The following CSMD1 variants were observed in gnomAD, a reference collection of about 807,000 sequenced individuals.
CSMD1 encodes the protein CUB and sushi domain-containing protein 1.
A neutral mutation model predicts 417.5 loss-of-function variants in CSMD1; 213 were observed. That is an observed-to-expected ratio of 0.51 (90% confidence interval 0.46 to 0.57). The LOEUF (loss-of-function observed/expected upper bound fraction) is 0.57, where lower values mean the gene tolerates loss of function less well. CSMD1 is among the 20% of genes least tolerant of loss of function. The pLI is 0.00. For synonymous variants in CSMD1, 2,862 were observed against 1,736.8 expected, an observed-to-expected ratio of 1.65 and a Z score of -16.11; for missense variants, 6,923 against 4,529.7, an observed-to-expected ratio of 1.53 and a Z score of -15.17.
At chr8:4,526,636 A>C (rs1457314628) in intron 2 of CSMD1, among the ~76,000 whole-genome samples, 1 of 152,256 alleles carries the variant, frequency 6.6e-6, no homozygotes, top group Non-Finnish European at 1.5e-5. Context: ...TTGGGAATTA[A>C]CAAAAATTGT....
At chr8:3,642,086 A>G (rs1447731092) in intron 7 of CSMD1, among the ~76,000 whole-genome samples, 2 of 152,178 alleles carry the variant, frequency 1.3e-5, no homozygotes, top group African/African-American at 4.8e-5. Context: ...GGCAAAGGAT[A>G]CAGCAGATAC....
At chr8:4,244,090 A>C (rs1802555461) in intron 3 of CSMD1, among the ~76,000 whole-genome samples, 1 of 152,224 alleles carries the variant, frequency 6.6e-6, no homozygotes, top group Non-Finnish European at 1.5e-5. Context: ...AGCTCTGTGC[A>C]TCTGAAGATG....
chr8:3,499,135 G>A (rs1796487904), intron 10 of CSMD1, among the ~76,000 whole-genome samples: 1 of 152,170 alleles, frequency 6.6e-6, no homozygotes. Flanking sequence ...TTAGAATGTA[G>A]TTTTAGTAGG....
chr8:3,842,503 A>T (rs1292896463), intron 5 of CSMD1, among the ~76,000 whole-genome samples: 1 of 152,168 alleles, frequency 6.6e-6, no homozygotes, highest in Non-Finnish European at 1.5e-5. Context: ...CTAAATTTCT[A>T]GGGAAGAAGT....
intron 1 of CSMD1, among the ~76,000 whole-genome samples, chr8:4,908,399 CATT>C (rs1805439741): frequency 6.6e-6 from 1 of 152,150 alleles, no homozygotes; most frequent in Non-Finnish European, 1.5e-5. Context: ...TAGTGTCTAT[CATT>C]AATTTTGGAA....
chr8:3,286,671 G>GGTGT (rs1803185162), intron 25 of CSMD1, among the ~76,000 whole-genome samples: 1 of 143,924 alleles, frequency 6.9e-6, no homozygotes, highest in Admixed American at 7.0e-5. Flanking sequence ...TATTGAAGGG[G>GGTGT]TTGTTTTTTT....
intron 5 of CSMD1, among the ~76,000 whole-genome samples, chr8:3,788,374 C>T (rs141520939): frequency 1.3e-5 from 2 of 152,190 alleles, no homozygotes; most frequent in Admixed American, 1.3e-4. Context: ...CCTGTGCCCA[C>T]AGCAGCCTTC....
chr8:4,066,324 T>C (rs1418939413), intron 3 of CSMD1, among the ~76,000 whole-genome samples: 2 of 152,212 alleles, frequency 1.3e-5, no homozygotes, highest in African/African-American at 2.4e-5. Context: ...AAAGGTGTTC[T>C]GCTGCCTAGC....
chr8:4,835,125 C>G (rs907176316), intron 1 of CSMD1, among the ~76,000 whole-genome samples: 3 of 151,740 alleles, frequency 2.0e-5, no homozygotes, highest in African/African-American at 7.3e-5. Flanking sequence ...ATTATTAAGG[C>G]GGCAACTCTA....
At chr8:3,304,597 A>ATTTAATAGATGTAT (rs1804669665) in intron 25 of CSMD1, among the ~76,000 whole-genome samples, 1 of 150,634 alleles carries the variant, frequency 6.6e-6, no homozygotes, top group South Asian at 2.1e-4. Context: ...TATGCTTTAA[A>ATTTAATAGATGTAT]TTTAATAGAT....
chr8:4,107,597 A>T lies in CSMD1; in HGVS notation c.416-75498T>A, dbSNP rs535704990. ...AATTATAAGCAAGCGCTTTGTGAAT[A>T]GCTGGGAGTATGAGCGACTCAAACT... On this transcript the variant is annotated intron_variant, in intron 3 of 69. Transcript: ENST00000635120. Among the ~76,000 whole-genome samples, 9 of 152,346 alleles carry T rather than the reference A, an allele frequency of 5.9e-5. 1 individual carries two copies. The South Asian group carries it at 8.3e-4, about 14-fold the overall frequency.
intron 68 of CSMD1, among the ~76,000 whole-genome samples, chr8:2,947,195 C>T (rs1165525036): frequency 6.6e-6 from 1 of 152,128 alleles, no homozygotes; most frequent in Non-Finnish European, 1.5e-5. Flanking sequence ...TCATTCAATC[C>T]TAATGAGGAA....
intron 1 of CSMD1, among the ~76,000 whole-genome samples, chr8:4,797,717 T>A (rs1222538055): frequency 3.3e-5 from 5 of 152,212 alleles, no homozygotes; most frequent in Admixed American, 3.3e-4. Flanking sequence ...AGATACCTCC[T>A]TAACTGGGAT....
intron 3 of CSMD1, among the ~76,000 whole-genome samples, chr8:4,402,459 G>A (rs1394616580): frequency 3.9e-5 from 6 of 152,124 alleles, no homozygotes; most frequent in African/African-American, 9.7e-5. Context: ...ATGGAGCTAA[G>A]CTTCCTGGTC....
chr8:3,858,867 G>C (rs528853234), intron 5 of CSMD1, among the ~76,000 whole-genome samples: 1 of 152,080 alleles, frequency 6.6e-6, no homozygotes, highest in Non-Finnish European at 1.5e-5. Flanking sequence ...TGCTCCAGTA[G>C]GATCAGGTTT....
intron 3 of CSMD1, among the ~76,000 whole-genome samples, chr8:4,236,055 T>TTTTTTTTTTTTTTTTTTG (rs1802038108): frequency 2.4e-5 from 2 of 83,746 alleles, no homozygotes; most frequent in Admixed American, 1.1e-4. Context: ...TTTTTTTTTT[T>TTTTTTTTTTTTTTTTTTG]TTTTTTTTTT....
intron 3 of CSMD1, among the ~76,000 whole-genome samples, chr8:4,191,247 T>G (rs1283976477): frequency 6.6e-6 from 1 of 151,764 alleles, no homozygotes; most frequent in Non-Finnish European, 1.5e-5. Context: ...ACACAAAAAA[T>G]TAGCAGGGCA....
intron 2 of CSMD1, among the ~76,000 whole-genome samples, chr8:4,622,962 TTA>T (rs1247494454): frequency 6.6e-6 from 1 of 152,148 alleles, no homozygotes; most frequent in Non-Finnish European, 1.5e-5. Flanking sequence ...TCAAAGTTTT[TTA>T]TATGTCACAT....
chr8:4,700,668 G>C lies in CSMD1; in HGVS notation c.86-63110C>G, dbSNP rs868809064. Among the ~76,000 whole-genome samples the C allele has an allele frequency of 4.6e-5, 7 of 151,988 alleles. No homozygotes were observed. The South Asian group carries it at 6.2e-4, about 14-fold the overall frequency. ...ATGAAAGTAACTGGACACATAAAGA[G>C]AATATACTATATTCTACCTGTATAT... On this transcript the variant is annotated intron_variant, in intron 1 of 69. Coordinates refer to ENST00000635120, the MANE Select transcript of CSMD1 (RefSeq NM_033225.6).
Sources: allele counts gnomAD v4.1 joint callset (sites outside exome capture counted in the v4.1 genomes callset), GRCh38; gene constraint gnomAD v4.1.1; transcripts MANE v1.5; gene names NCBI Gene and HGNC (gene_info 2026-07-23, HGNC 2026-07-21).